Variants in FTCD observed in about 807,000 individuals in gnomAD.
FTCD encodes formimidoyltransferase cyclodeaminase, also known as formimidoyltransferase-cyclodeaminase.
Under a neutral mutation model 62.9 loss-of-function variants are expected in FTCD, and 76 were observed. That is an observed-to-expected ratio of 1.21 (90% CI 1.00 to 1.46). The LOEUF is 1.46. Among genes scored for constraint, FTCD ranks in the 40% most tolerant of loss-of-function variants. The pLI, the probability that FTCD is intolerant of heterozygous loss-of-function variation, is 0.00. For synonymous variants in FTCD, 397 were observed against 336.9 expected, an observed-to-expected ratio of 1.18 and a Z score of -1.95; for missense variants, 845 against 751.3, an observed-to-expected ratio of 1.12 and a Z score of -1.46.
chr21:46,138,258 A>G (rs1438835546), intron 12 of FTCD, among the ~76,000 whole-genome samples: 1 of 152,194 alleles, frequency 6.6e-6, no homozygotes, highest in African/African-American at 2.4e-5. Flanking sequence ...GTATACACTT[A>G]TACAGTGGTC....
chr21:46,139,727 G>A (rs541247317), intron 10 of FTCD, among the ~76,000 whole-genome samples: 14 of 152,352 alleles, frequency 9.2e-5, no homozygotes, highest in African/African-American at 3.4e-4. Context: ...GAAATGCCCA[G>A]TGTCTCCCTG....
chr21:46,149,627 GCCACA>G (rs1262826177), intron 7 of FTCD, among the ~76,000 whole-genome samples: 1 of 152,214 alleles, frequency 6.6e-6, no homozygotes, highest in Non-Finnish European at 1.5e-5. Context: ...TGCAGACGCT[GCCACA>G]CCCCAGCAGG....
chr21:46,147,148 G>A (rs1035504049), intron 7 of FTCD, among the ~76,000 whole-genome samples: 3 of 152,256 alleles, frequency 2.0e-5, no homozygotes, highest in Non-Finnish European at 4.4e-5. Flanking sequence ...GATGAGTGGG[G>A]GAGGTCTGGG....
At chr21:46,152,717 CCTGCACG>C in intron 3 of FTCD, 183 bp downstream of exon 3, 1 of 561,984 alleles carries the variant, frequency 1.8e-6, no homozygotes. Context: ...AGGCCCCGGG[CCTGCACG>C]GCCGCAGGCG....
chr21:46,154,151 T>G lies in FTCD; in HGVS notation c.236A>C (p.Gln79Pro), dbSNP rs775726030. Residue 79 changes from glutamine (Q) to proline (P), a missense_variant and splice_region_variant, in exon 2 of 14, where the codon CAA becomes CCA. Coordinates refer to ENST00000397746, the MANE Select transcript of FTCD (RefSeq NM_206965.2). ...ACAGGAGAGCCCAGAGACCTCACCT[T>G]GGTGCCTGCTCATGTCGATAAGTCG... ...ASRLIDMSRH[Q>P]GEHPRMGALD... 94 of 1,612,598 alleles carry G rather than the reference T, an allele frequency of 5.8e-5. No homozygotes were observed. Among genetic ancestry groups the G allele is most frequent in the Non-Finnish European group, 1.4e-5 (16 of 1,179,904 alleles).
Position 46,150,524 on chromosome 21 carries a change from G to A in FTCD, c.638C>T (p.Pro213Leu), listed in dbSNP as rs745499304. ...LREQGRGKDQ[P>L]GRLKKVQGIG... The stretch of plus-strand genomic sequence containing the variant: ...GCCCTGAACTTTCTTCAGACGTCCT[G>A]GCTGCAAAGGAAGAGCGTTCCCCAG... The change falls in exon 6 of 14, where the codon CCA becomes CTA. Residue 213 changes from proline (P) to leucine (L), a missense_variant and splice_region_variant. By Grantham distance (98) the Pro-to-Leu change is moderately conservative (BLOSUM62 -3). Coordinates refer to ENST00000397746, the MANE Select transcript of FTCD (RefSeq NM_206965.2). The A allele has an allele frequency of 8.1e-6, 13 of 1,613,114 alleles. No individual in the cohort carries two copies. Among genetic ancestry groups the A allele is most frequent in the African/African-American group, 2.7e-5 (2 of 74,948 alleles).
intron 10 of FTCD, among the ~76,000 whole-genome samples, chr21:46,141,762 A>G (rs112278901): frequency 1.4e-4 from 21 of 152,328 alleles, no homozygotes; most frequent in African/African-American, 4.6e-4. Flanking sequence ...AAGAGAAACT[A>G]AGATAAAAGG....
chr21:46,152,828 A>C, intron 3 of FTCD, 79 bp downstream of exon 3: 3 of 1,215,900 alleles, frequency 2.5e-6, no homozygotes, highest in Non-Finnish European at 2.3e-6. Flanking sequence ...AGGGCAGGGA[A>C]CTGGGGGATA....
chr21:46,145,344 C>T, intron 10 of FTCD, 73 bp downstream of exon 10: 2 of 1,294,970 alleles, frequency 1.5e-6, no homozygotes, highest in Non-Finnish European at 2.1e-6. Context: ...GGCTGACCCG[C>T]TTCTCACTGG....
intron 2 of FTCD, 78 bp downstream of exon 2, chr21:46,154,071 C>A: frequency 1.3e-6 from 2 of 1,489,278 alleles, no homozygotes; most frequent in South Asian, 2.3e-5. Flanking sequence ...GGCCTACCCC[C>A]TCTCCCAGGA....
chr21:46,153,894 C>CA (rs1568986644), intron 2 of FTCD, among the ~76,000 whole-genome samples: 1 of 152,180 alleles, frequency 6.6e-6, no homozygotes, highest in African/African-American at 2.4e-5. Context: ...CCCCTCCCCC[C>CA]ACCCAGCCGT....
downstream of FTCD, chr21:46,136,692 G>A (rs1406717929): frequency 1.4e-6 from 2 of 1,464,990 alleles, no homozygotes; most frequent in African/African-American, 2.8e-5. Context: ...GCTCCCATGG[G>A]CCACTGACCA....
At position 46,138,657 on chromosome 21, in the gene FTCD, C is replaced by G; in HGVS notation, c.1305-11G>C. 1.3e-6 allele frequency: 2 copies of G among 1,596,204 alleles called. No individual in the cohort carries two copies. The highest frequency in any genetic ancestry group is 1.7e-6 in the Non-Finnish European group (2 of 1,178,068). On this transcript the variant is annotated splice_polypyrimidine_tract_variant and intron_variant, in intron 11 of 13. Transcript: ENST00000397746. ...AGGGCCGCCGTGCGCCTGAAAGGAGCAAGAGGAGAGCCTGAGCACAGCGGC... is the reference window on the plus strand; with the variant it reads ...AGGGCCGCCGTGCGCCTGAAAGGAGGAAGAGGAGAGCCTGAGCACAGCGGC...
intron 10 of FTCD, among the ~76,000 whole-genome samples, chr21:46,141,228 C>T (rs2078998344): frequency 6.7e-6 from 1 of 149,004 alleles, no homozygotes; most frequent in African/African-American, 2.6e-5. Context: ...GCCTCAAACT[C>T]CTGGCCTCAA....
rs760263005 is a variant in FTCD, at chr21:46,151,584, G to T, written c.610C>A (p.Arg204=). The T allele has an allele frequency of 1.9e-6, 3 of 1,612,742 alleles. No homozygotes were observed. The highest frequency in any genetic ancestry group is 8.5e-7 in the Non-Finnish European group (1 of 1,179,900). ...TGGTCCTTCCCGCGGCCCTGCTCCCGCAGGTTGAGCGCGATGCGGTGGGCT... is the reference window on the plus strand; with the variant it reads ...TGGTCCTTCCCGCGGCCCTGCTCCCTCAGGTTGAGCGCGATGCGGTGGGCT... ...EQAHRIALNL[R]EQGRGKDQPG... is the part of the protein sequence containing the mutation. The change falls in exon 5 of 14, where the codon CGG becomes AGG. Residue 204 remains arginine, a synonymous_variant. Coordinates refer to ENST00000397746, the MANE Select transcript of FTCD (RefSeq NM_206965.2).
chr21:46,141,990 G>A lies in FTCD; in HGVS notation c.1261-3067C>T, dbSNP rs372129883. 12 of 152,500 alleles carry A rather than the reference G, an allele frequency of 7.9e-5. No homozygotes were observed. In the East Asian group the frequency reaches 2.3e-3, roughly 29 times the overall value. The allele number at this position is 152,500 out of a possible 1,614,324, so 9.4% of individuals were successfully genotyped here. A position where few individuals can be genotyped will look rare whatever the true frequency, so the allele number is the denominator to read the frequency against. On this transcript the variant is annotated intron_variant, in intron 10 of 13. Transcript: ENST00000397746. ...GCTGGGAGCGGGCGGGGCTGTGTGC[G>A]AGGGGAAGGAAAGGCGGAGCTCTGA...
intron 10 of FTCD, among the ~76,000 whole-genome samples, chr21:46,139,496 A>AC (rs1165645564): frequency 6.6e-6 from 1 of 152,136 alleles, no homozygotes; most frequent in African/African-American, 2.4e-5. Context: ...CCTTCCAAGG[A>AC]CCCACTGGGA....
At chr21:46,151,767 A>G in intron 4 of FTCD, 30 bp from the exon 5 acceptor site, 2 of 1,610,380 alleles carry the variant, frequency 1.2e-6, no homozygotes, top group African/African-American at 1.3e-5. Flanking sequence ...GGGGTGAGAC[A>G]TCCCCCACGG....
chr21:46,137,291 A>G lies in FTCD; in HGVS notation c.1487T>C (p.Phe496Ser), dbSNP rs1203832919. 6.2e-7 allele frequency: 1 copy of G among 1,613,856 alleles called. No individual in the cohort carries two copies. The highest frequency in any genetic ancestry group is 1.1e-5 in the South Asian group (1 of 91,082). The change falls in exon 13 of 14, where the codon TTC becomes TCC. Residue 496 changes from phenylalanine (F) to serine (S), a missense_variant. Transcript: ENST00000397746. ...ALEMGVFGAY[F>S]NVLINLRDIT... ...GTCCCTCAGGTTGATGAGCACGTTG[A>G]AATATGCGCCAAACACGCCCATCTC...
Sources: gnomAD v4.1 joint callset for allele counts (sites outside exome capture counted in the v4.1 genomes callset) on GRCh38, gnomAD v4.1.1 for gene constraint, MANE v1.5 for transcripts, NCBI Gene and HGNC (gene_info 2026-07-23, HGNC 2026-07-21) for gene names.